Variants in CFAP47 observed in about 807,000 individuals in gnomAD.
The protein encoded by CFAP47 is cilia- and flagella-associated protein 47.
Under a neutral mutation model 148.1 loss-of-function variants are expected in CFAP47, and 29 were observed. The ratio of observed to expected loss-of-function variants is 0.20; its 90% confidence interval spans 0.15 to 0.27. The LOEUF (loss-of-function observed/expected upper bound fraction) is 0.27, where lower values mean the gene tolerates loss of function less well. CFAP47 is among the 10% of genes least tolerant of loss of function. The pLI is 1.00. For synonymous variants in CFAP47, 664 were observed against 577.3 expected, an observed-to-expected ratio of 1.15 and a Z score of -2.15; for missense variants, 1,872 against 1,697.5, an observed-to-expected ratio of 1.10 and a Z score of -1.81.
chrX:36,263,395 T>C (rs1219902047), intron 49 of CFAP47, among the ~76,000 whole-genome samples: 1 of 112,269 alleles, frequency 8.9e-6, no homozygotes, highest in African/African-American at 3.2e-5. Flanking sequence ...TAAAACTGCT[T>C]GGTTTCTGTA....
At chrX:36,282,869 A>G (rs1466488238) in intron 50 of CFAP47, among the ~76,000 whole-genome samples, 1 of 111,855 alleles carries the variant, frequency 8.9e-6, no homozygotes, top group Non-Finnish European at 1.9e-5. Flanking sequence ...CTTCAATCCA[A>G]TGATTCAGTC....
chrX:36,211,595 A>G, intron 45 of CFAP47: 1 of 265,398 alleles, frequency 3.8e-6, no homozygotes, highest in Non-Finnish European at 7.0e-6. Context: ...ATATTGCTGC[A>G]TATCAAGCTA....
rs1336397258 is a variant in CFAP47, at chrX:36,247,823, A to T, written c.7333-3510A>T. On this transcript the variant is annotated intron_variant, in intron 48 of 63. Transcript: ENST00000378653. ...TTCAGTTTTCTTGTCTGCATTATAT[A>T]TAAATTGTCTAAACACTCAAATGTC... Among the ~76,000 whole-genome samples, 3 of 111,538 alleles carry T rather than the reference A, an allele frequency of 2.7e-5. No homozygotes were observed. In the Admixed American group the frequency reaches 2.9e-4, roughly 11 times the overall value.
In CFAP47 at chrX:35,966,557, T is replaced by C. The variant is rs1055517401; in HGVS notation, c.1411-8T>C. 9.9e-7 allele frequency: 1 copy of C among 1,011,079 alleles called. No individual in the cohort carries two copies. Among genetic ancestry groups the C allele is most frequent in the South Asian group, 3.8e-5 (1 of 26,593 alleles). 83.3% of individuals were successfully genotyped at this position (1,011,079 alleles called of 1,213,427 possible). On this transcript the variant is annotated splice_polypyrimidine_tract_variant and splice_region_variant and intron_variant, in intron 8 of 63. Transcript: ENST00000378653. ...TATTATTGGTTACTTTTCATCTTTT[T>C]TTTTTAGGATGTGATGTGTTCATTT...
intron 63 of CFAP47, among the ~76,000 whole-genome samples, chrX:36,381,440 T>C (rs1362690709): frequency 2.7e-5 from 3 of 112,314 alleles, no homozygotes; most frequent in Non-Finnish European, 5.6e-5. Context: ...TTTGCAACTA[T>C]ATTATCTTCA....
At chrX:36,056,230 A>G (rs1157702954) in intron 26 of CFAP47, among the ~76,000 whole-genome samples, 1 of 111,871 alleles carries the variant, frequency 8.9e-6, no homozygotes, top group African/African-American at 3.3e-5. Context: ...ATAATGCATC[A>G]TCTTGGTAAT....
intron 62 of CFAP47, among the ~76,000 whole-genome samples, chrX:36,370,982 G>A (rs1165158530): frequency 2.7e-5 from 3 of 111,212 alleles, no homozygotes; most frequent in Non-Finnish European, 5.7e-5. Context: ...AATTAAATAT[G>A]TAAAGCGTTA....
chrX:36,085,379 A>T lies in CFAP47; in HGVS notation c.4757A>T (p.Asp1586Val), dbSNP rs770926278. Residue 1586 changes from aspartate (D) to valine (V), a missense_variant, in exon 30 of 64, where the codon GAC (aspartate) becomes GTC (valine). Transcript: ENST00000378653. ...SPPQKFSRQN[D>V]FSKYNKTIYD... ...CCCCAAAAGTTTTCCAGACAGAATG[A>T]CTTTTCCAAATATAATAAGACCATT... The T allele has an allele frequency of 8.3e-7, 1 of 1,208,297 alleles. No homozygotes were observed. The highest frequency in any genetic ancestry group is 2.2e-5 in the Admixed American group (1 of 45,807).
intron 26 of CFAP47, among the ~76,000 whole-genome samples, chrX:36,056,616 A>G (rs1937556678): frequency 8.9e-6 from 1 of 112,358 alleles, no homozygotes; most frequent in Non-Finnish European, 1.9e-5. Context: ...TTTGGAAATT[A>G]GGATAAAAAT....
intron 33 of CFAP47, among the ~76,000 whole-genome samples, chrX:36,106,017 T>G (rs1938460837): frequency 8.9e-6 from 1 of 111,946 alleles, no homozygotes; most frequent in Non-Finnish European, 1.9e-5. Context: ...TTGACTAGAC[T>G]ATTATTTTAC....
In CFAP47 at chrX:35,997,494, T is replaced by A. The variant is rs191247971; in HGVS notation, c.3177+105T>A. 3.4e-3 allele frequency: 871 copies of A among 255,905 alleles called. 8 individuals are homozygous for A. Among genetic ancestry groups the A allele is most frequent in the African/African-American group, 0.023 (803 of 35,338 alleles). 21.1% of individuals were successfully genotyped at this position (255,905 alleles called of 1,213,427 possible). Reference sequence around the variant, plus strand: ...TATGTTAAAAATATTTTCCAATGTATAATTTTTAAAAATTACTATATACAA... The same window carrying A: ...TATGTTAAAAATATTTTCCAATGTAAAATTTTTAAAAATTACTATATACAA... On this transcript the variant is annotated intron_variant, in intron 19 of 63. Coordinates refer to ENST00000378653, the MANE Select transcript of CFAP47 (RefSeq NM_001304548.2).
Position 36,200,420 on chromosome X carries a change from C to A in CFAP47, c.6363C>A (p.Thr2121=). ...ATGTTGCGGAAGGAAAAGGTATGAC[C>A]CCCTTGCCTTCCAGTTGCCTTCCAA... The part of the protein sequence containing the change: ...LIYVAEGKGM[T]PLPSSCLPMN... Residue 2121 remains threonine (T), a synonymous_variant, in exon 43 of 64, where the codon ACC becomes ACA. Transcript: ENST00000378653. The A allele has an allele frequency of 3.4e-6, 1 of 296,644 alleles. No homozygotes were observed. The highest frequency in any genetic ancestry group is 5.9e-6 in the Non-Finnish European group (1 of 169,687). The allele number at this position is 296,644 out of a possible 1,213,427, so 24.4% of individuals were successfully genotyped here. A position where few individuals can be genotyped will look rare whatever the true frequency, so the allele number is the denominator to read the frequency against.
chrX:36,115,770 A>G (rs1191286510), intron 33 of CFAP47, among the ~76,000 whole-genome samples: 1 of 111,903 alleles, frequency 8.9e-6, no homozygotes, highest in East Asian at 2.8e-4. Flanking sequence ...TATTACCTTT[A>G]CTAGAGCCAT....
In CFAP47 at chrX:36,310,962, G is replaced by A. The variant is rs1556009858; in HGVS notation, c.8317G>A (p.Asp2773Asn). ...VIPFKNPTME[D>N]VLIDIILTSV... The stretch of plus-strand genomic sequence containing the variant: ...ACCTTTCAAAAATCCCACAATGGAA[G>A]ATGTCCTCATTGATATAATACTGAC... The change falls in exon 56 of 64, where the codon GAT becomes AAT. Residue 2773 changes from aspartate (D) to asparagine (N), a missense_variant. Asp to Asn is a conservative substitution (Grantham distance 23). Coordinates refer to ENST00000378653, the MANE Select transcript of CFAP47 (RefSeq NM_001304548.2). 2 of 1,132,439 alleles carry A rather than the reference G, an allele frequency of 1.8e-6. No homozygotes were observed. The highest frequency in any genetic ancestry group is 2.4e-6 in the Non-Finnish European group (2 of 849,141). The allele number at this position is 1,132,439 out of a possible 1,213,427, so 93.3% of individuals were successfully genotyped here. A position where few individuals can be genotyped will look rare whatever the true frequency, so the allele number is the denominator to read the frequency against.
Position 36,251,443 on chromosome X carries a change from A to T in CFAP47, c.7443A>T (p.Lys2481Asn). The part of the protein sequence containing the change: ...HVRPWKRGIL[K>N]GTITFSTTRR... ...GCCCTTGGAAACGTGGTATATTGAA[A>T]GGTATAAAATCCATTAATAAAATAT... Residue 2481 changes from lysine (K) to asparagine (N), a missense_variant and splice_region_variant, in exon 49 of 64, where the codon AAA (lysine) becomes AAT (asparagine). Physicochemically the swap from Lys to Asn is moderately conservative, Grantham distance 94. Coordinates refer to ENST00000378653, the MANE Select transcript of CFAP47 (RefSeq NM_001304548.2). 2.0e-6 allele frequency: 1 copy of T among 497,259 alleles called. No homozygotes were observed. The highest frequency in any genetic ancestry group is 3.6e-6 in the Non-Finnish European group (1 of 278,522). The allele number at this position is 497,259 out of a possible 1,213,427, so 41.0% of individuals were successfully genotyped here. A position where few individuals can be genotyped will look rare whatever the true frequency, so the allele number is the denominator to read the frequency against.
At chrX:35,926,675 TAA>T (rs767718827) in intron 2 of CFAP47, among the ~76,000 whole-genome samples, 1 of 112,123 alleles carries the variant, frequency 8.9e-6, no homozygotes, top group African/African-American at 3.2e-5. Flanking sequence ...TGTTAAAATT[TAA>T]AGTGTTTCTT....
chrX:36,105,019 T>C lies in CFAP47; in HGVS notation c.5320+328T>C, dbSNP rs757329402. Among the ~76,000 whole-genome samples, 4 of 111,930 alleles carry C rather than the reference T, an allele frequency of 3.6e-5. No individual in the cohort carries two copies. In the South Asian group the frequency reaches 1.5e-3, roughly 41 times the overall value. Reference sequence around the variant, plus strand: ...GTATTAAATATATAGGTGACACTGCTCAAACTTAGTATATAACTAGTCGAG... The same window carrying C: ...GTATTAAATATATAGGTGACACTGCCCAAACTTAGTATATAACTAGTCGAG... On this transcript the variant is annotated intron_variant, in intron 33 of 63. Transcript: ENST00000378653.
chrX:36,076,486 T>C (rs1200516324), intron 29 of CFAP47, among the ~76,000 whole-genome samples: 1 of 110,475 alleles, frequency 9.1e-6, no homozygotes, highest in Non-Finnish European at 1.9e-5. Flanking sequence ...CTCTGATGTT[T>C]AGTAATGTTG....
chrX:35,924,013 A>G (rs1162285488), intron 1 of CFAP47, among the ~76,000 whole-genome samples: 1 of 83,287 alleles, frequency 1.2e-5, no homozygotes, highest in East Asian at 4.3e-4. Context: ...ATGTGTAAAT[A>G]TATATGCACA....
Sources: gnomAD v4.1 joint callset for allele counts (sites outside exome capture counted in the v4.1 genomes callset) on GRCh38, gnomAD v4.1.1 for gene constraint, MANE v1.5 for transcripts, NCBI Gene and HGNC (gene_info 2026-07-23, HGNC 2026-07-21) for gene names.